Variants in DOK6 observed in about 807,000 individuals in gnomAD.
DOK6 encodes the protein docking protein 6, also known as downstream of tyrosine kinase 6.
A neutral mutation model predicts 44.0 loss-of-function variants in DOK6; 22 were observed. The ratio of observed to expected loss-of-function variants is 0.50; its 90% CI spans 0.36 to 0.71. The LOEUF (loss-of-function observed/expected upper bound fraction) is 0.71, where lower values mean the gene tolerates loss of function less well. Ranked by LOEUF, DOK6 falls within the 30% of genes least tolerant of loss-of-function variation. The pLI, the probability that DOK6 is intolerant of heterozygous loss-of-function variation, is 0.00. For missense variants in DOK6, 340 were observed against 416.4 expected, an observed-to-expected ratio of 0.82 and a Z score of 1.60; for synonymous variants, 166 against 145.5, an observed-to-expected ratio of 1.14 and a Z score of -1.01.
chr18:69,640,213 T>G (rs1984906981), intron 3 of DOK6, among the ~76,000 whole-genome samples: 1 of 152,206 alleles, frequency 6.6e-6, no homozygotes, highest in South Asian at 2.1e-4. Flanking sequence ...GTGCAAAATA[T>G]TGCCTCAATC....
intron 7 of DOK6, among the ~76,000 whole-genome samples, chr18:69,761,017 T>C (rs1979535366): frequency 9.7e-6 from 1 of 103,300 alleles, no homozygotes; most frequent in Non-Finnish European, 2.0e-5. Context: ...AGCCTGCCTT[T>C]CCCGGGGGCT....
chr18:69,440,023 T>C (rs1005200241), intron 1 of DOK6, among the ~76,000 whole-genome samples: 2 of 152,204 alleles, frequency 1.3e-5, no homozygotes, highest in African/African-American at 4.8e-5. Context: ...AAGCAAGAGA[T>C]GTGCCACTCT....
chr18:69,668,516 T>C (rs1985715710), intron 3 of DOK6, among the ~76,000 whole-genome samples: 1 of 152,220 alleles, frequency 6.6e-6, no homozygotes, highest in South Asian at 2.1e-4. Context: ...TTCAACTATT[T>C]TTGGAGTGTA....
chr18:69,619,484 C>T (rs1984390103), intron 3 of DOK6, among the ~76,000 whole-genome samples: 1 of 152,210 alleles, frequency 6.6e-6, no homozygotes, highest in Non-Finnish European at 1.5e-5. Context: ...ATTGTTAATT[C>T]ACCTTCGGCA....
intron 5 of DOK6, among the ~76,000 whole-genome samples, chr18:69,732,257 A>C (rs1204643548): frequency 6.6e-6 from 1 of 152,172 alleles, no homozygotes; most frequent in Non-Finnish European, 1.5e-5. Flanking sequence ...GGAATATCTG[A>C]TATGTTTACA....
chr18:69,669,438 C>CT (rs148208156), intron 3 of DOK6, among the ~76,000 whole-genome samples: 21,261 of 152,186 alleles, frequency 0.14, 1,581 homozygotes, highest in Middle Eastern at 0.26. Flanking sequence ...TCATTTTGTT[C>CT]TTTTTTATGG....
At chr18:69,560,088 A>G (rs1982791504) in intron 1 of DOK6, among the ~76,000 whole-genome samples, 1 of 152,050 alleles carries the variant, frequency 6.6e-6, no homozygotes, top group Admixed American at 6.6e-5. Context: ...GAGTTTGTGG[A>G]TTACTTTTCA....
At chr18:69,531,427 C>A (rs1981983655) in intron 1 of DOK6, among the ~76,000 whole-genome samples, 1 of 151,502 alleles carries the variant, frequency 6.6e-6, no homozygotes, top group South Asian at 2.1e-4. Context: ...TTATAACTGT[C>A]TAGTCTTTAC....
chr18:69,477,985 C>T (rs1015811950), intron 1 of DOK6, among the ~76,000 whole-genome samples: 6 of 152,054 alleles, frequency 3.9e-5, no homozygotes, highest in East Asian at 3.9e-4. Context: ...AAAGTATTAT[C>T]GTTAACAAAT....
intron 2 of DOK6, among the ~76,000 whole-genome samples, chr18:69,565,659 C>A (rs1982960334): frequency 6.6e-6 from 1 of 152,138 alleles, no homozygotes; most frequent in Non-Finnish European, 1.5e-5. Flanking sequence ...CAGGCATGAG[C>A]TACCATACCC....
intron 5 of DOK6, among the ~76,000 whole-genome samples, chr18:69,737,047 G>C (rs574563103): frequency 8.7e-4 from 133 of 152,294 alleles, no homozygotes; most frequent in Middle Eastern, 6.8e-3. Flanking sequence ...ACATTCTCTA[G>C]TATTGGCTTG....
chr18:69,763,398 T>C (rs529794005), intron 7 of DOK6, among the ~76,000 whole-genome samples: 11 of 152,324 alleles, frequency 7.2e-5, no homozygotes, highest in African/African-American at 2.6e-4. Flanking sequence ...ATCACGCTCA[T>C]ACTAGAGATG....
At chr18:69,503,600 A>G (rs1232345434) in intron 1 of DOK6, among the ~76,000 whole-genome samples, 14 of 152,094 alleles carry the variant, frequency 9.2e-5, no homozygotes, top group Non-Finnish European at 1.6e-4. Flanking sequence ...AAATTACTAA[A>G]CAATGTCTTA....
At chr18:69,833,596 GA>G (rs1172899051) in intron 7 of DOK6, among the ~76,000 whole-genome samples, 1 of 151,726 alleles carries the variant, frequency 6.6e-6, no homozygotes, top group Non-Finnish European at 1.5e-5. Flanking sequence ...CACAGCAAAG[GA>G]AAAAAAGCTA....
At chr18:69,651,407 T>C (rs1297979937) in intron 3 of DOK6, among the ~76,000 whole-genome samples, 1 of 151,960 alleles carries the variant, frequency 6.6e-6, no homozygotes. Flanking sequence ...CCTTCTCACC[T>C]TCACAGCTGG....
chr18:69,598,978 T>C (rs1983810455), intron 2 of DOK6, among the ~76,000 whole-genome samples: 1 of 152,066 alleles, frequency 6.6e-6, no homozygotes, highest in Admixed American at 6.6e-5. Context: ...CTCAGGACCA[T>C]AGGCCTACAG....
intron 5 of DOK6, among the ~76,000 whole-genome samples, chr18:69,706,511 ACT>A (rs202057398): frequency 2.7e-5 from 4 of 149,846 alleles, no homozygotes; most frequent in East Asian, 2.0e-4. Flanking sequence ...CAATCAAGAA[ACT>A]CTTTTTTTTT....
intron 1 of DOK6, among the ~76,000 whole-genome samples, chr18:69,534,069 C>G (rs1448196031): frequency 2.0e-5 from 3 of 152,194 alleles, no homozygotes; most frequent in Non-Finnish European, 2.9e-5. Flanking sequence ...CGTATTACCT[C>G]ATTAAATCAT....
In DOK6 at chr18:69,739,019, G is replaced by A. The variant is rs753953695; in HGVS notation, c.654G>A (p.Met218Ile). The change falls in exon 6 of 8, where the codon ATG becomes ATA. Residue 218 changes from methionine to isoleucine, a missense_variant. Around this residue, in one of 3 missense-constraint regions of DOK6, gnomAD observed 22 missense variants for 48.6 expected, o/e 0.45. Coordinates refer to ENST00000382713, the MANE Select transcript of DOK6 (RefSeq NM_152721.6). ...CTTTTCAAACAAGGGAAGGAGAAAT[G>A]ATCTATCAGAAGGTTCATTCTGCGA... is the stretch of plus-strand genomic sequence containing the variant. ...LFTFQTREGE[M>I]IYQKVHSATL... is the part of the protein sequence containing the mutation. 6.2e-7 allele frequency: 1 copy of A among 1,614,090 alleles called. No individual in the cohort carries two copies. The highest frequency in any genetic ancestry group is 2.2e-5 in the East Asian group (1 of 44,892).
Sources: allele counts gnomAD v4.1 joint callset (sites outside exome capture counted in the v4.1 genomes callset), GRCh38; gene constraint gnomAD v4.1.1; regional missense constraint gnomAD v4.1.1; transcripts MANE v1.5; gene names NCBI Gene and HGNC (gene_info 2026-07-23, HGNC 2026-07-21).